The following NREP variants were observed in gnomAD, a reference collection of about 807,000 sequenced individuals.
NREP encodes the protein neuronal regeneration-related protein.
Under a neutral mutation model 8.6 loss-of-function variants are expected in NREP, and 5 were observed. The ratio of observed to expected loss-of-function variants is 0.58; its 90% CI spans 0.30 to 1.22. The LOEUF is 1.22. Among genes scored for constraint, NREP ranks in the 50% most tolerant of loss-of-function variants. The pLI is 0.07. For missense variants in NREP, 86 were observed against 82.5 expected, an observed-to-expected ratio of 1.04 and a Z score of -0.17; for synonymous variants, 27 against 28.0, an observed-to-expected ratio of 0.96 and a Z score of 0.11.
chr5:111,964,930 C>T (rs1388826397), intron 2 of NREP, among the ~76,000 whole-genome samples: 1 of 60,266 alleles, frequency 1.7e-5, no homozygotes, highest in Non-Finnish European at 3.5e-5. Context: ...ATTACTTAAA[C>T]AATAAGAACA....
At chr5:111,910,094 G>A (rs1191125206) in intron 2 of NREP, among the ~76,000 whole-genome samples, 4 of 152,016 alleles carry the variant, frequency 2.6e-5, no homozygotes, top group African/African-American at 9.7e-5. Context: ...TGAATTTGTT[G>A]TAGACTAAAA....
At chr5:111,961,890 G>A (rs1756490544) in intron 2 of NREP, among the ~76,000 whole-genome samples, 1 of 152,220 alleles carries the variant, frequency 6.6e-6, no homozygotes, top group South Asian at 2.1e-4. Context: ...TTGAAATCAT[G>A]TAGAATTATA....
intron 2 of NREP, among the ~76,000 whole-genome samples, chr5:111,784,363 T>C (rs1049395998): frequency 6.6e-6 from 1 of 152,068 alleles, no homozygotes; most frequent in Non-Finnish European, 1.5e-5. Flanking sequence ...CCTGTAGAAA[T>C]ACAGTAAAGA....
At chr5:111,786,033 G>A (rs1042589478) in intron 2 of NREP, among the ~76,000 whole-genome samples, 6 of 152,170 alleles carry the variant, frequency 3.9e-5, no homozygotes, top group African/African-American at 9.6e-5. Context: ...CACATTGTCC[G>A]ATTTCCTCAA....
At chr5:111,790,489 G>C (rs979964690) in intron 2 of NREP, among the ~76,000 whole-genome samples, 1 of 150,438 alleles carries the variant, frequency 6.6e-6, no homozygotes, top group African/African-American at 2.4e-5. Flanking sequence ...ACTGGGCACA[G>C]TGGCTCACAC....
At chr5:111,898,570 G>T (rs532733832) in intron 2 of NREP, among the ~76,000 whole-genome samples, 1 of 152,270 alleles carries the variant, frequency 6.6e-6, no homozygotes, top group Non-Finnish European at 1.5e-5. Context: ...GAGAAGTTTA[G>T]ACCAGAGACA....
chr5:111,916,741 A>G (rs1388993853), intron 2 of NREP, among the ~76,000 whole-genome samples: 1 of 152,170 alleles, frequency 6.6e-6, no homozygotes, highest in Non-Finnish European at 1.5e-5. Flanking sequence ...TTGTTTAAGG[A>G]TTAAATGAGT....
rs190583975 is a variant in NREP at position 111,969,216 on chromosome 5, T to C, written c.135+6058A>G. ...ACGGTTAAAAATATTGAACTTGTGCTCATCACATTTACAGATTTCAAGATG... is the reference window on the plus strand; with the variant it reads ...ACGGTTAAAAATATTGAACTTGTGCCCATCACATTTACAGATTTCAAGATG... On this transcript the variant is annotated intron_variant, in intron 2 of 3. Coordinates refer to the NREP transcript ENST00000395634. 3.3e-4 allele frequency among the ~76,000 whole-genome samples: 50 copies of C among 152,326 alleles called. 1 individual carries two copies. The highest frequency in any genetic ancestry group is 1.2e-3 in the African/African-American group (49 of 41,564).
chr5:111,881,939 G>C (rs1258181385), intron 2 of NREP, among the ~76,000 whole-genome samples: 1 of 152,274 alleles, frequency 6.6e-6, no homozygotes, highest in East Asian at 1.9e-4. Context: ...TCCTCCAAAG[G>C]ATCACAGTTC....
chr5:111,866,710 G>A (rs1753672732), intron 2 of NREP, among the ~76,000 whole-genome samples: 1 of 152,076 alleles, frequency 6.6e-6, no homozygotes, highest in African/African-American at 2.4e-5. Flanking sequence ...GTTTATTGCG[G>A]CACTATTCAC....
upstream of NREP, among the ~76,000 whole-genome samples, chr5:111,760,126 T>A (rs1750928657): frequency 6.6e-6 from 1 of 152,174 alleles, no homozygotes; most frequent in South Asian, 2.1e-4. Flanking sequence ...ACAAGATAAT[T>A]TTTTGACGGG....
At chr5:111,814,398 G>A (rs757796320) in intron 2 of NREP, among the ~76,000 whole-genome samples, 6 of 152,044 alleles carry the variant, frequency 3.9e-5, no homozygotes, top group East Asian at 1.9e-4. Context: ...TAAAGTGAAC[G>A]CAATTACATG....
Position 111,905,895 on chromosome 5 carries a change from G to C in NREP, c.135+69379C>G, listed in dbSNP as rs543745714. On this transcript the variant is annotated intron_variant, in intron 2 of 3. Coordinates refer to the NREP transcript ENST00000395634. ...CAAATAAAACATAAATCTCTGAAAA[G>C]TAATCTGGAAAAGTTTAAGACATGT... Among the ~76,000 whole-genome samples the C allele has an allele frequency of 2.0e-5, 3 of 152,098 alleles. No individual in the cohort carries two copies. The South Asian group carries it at 6.2e-4, about 31-fold the overall frequency.
At chr5:111,976,670 T>C (rs777123818) in intron 1 of NREP, 25 of 1,501,958 alleles carry the variant, frequency 1.7e-5, no homozygotes, top group Non-Finnish European at 2.1e-5. Flanking sequence ...TTTAAAAATG[T>C]CCCCTCATAT....
At chr5:111,744,830 A>AAGGT (rs1749901348) in intron 2 of NREP, among the ~76,000 whole-genome samples, 1 of 152,162 alleles carries the variant, frequency 6.6e-6, no homozygotes, top group African/African-American at 2.4e-5. Context: ...TAATATGAAA[A>AAGGT]AGGTAGTAGT....
intron 2 of NREP, among the ~76,000 whole-genome samples, chr5:111,869,851 T>C (rs1290006372): frequency 6.6e-6 from 1 of 152,142 alleles, no homozygotes; most frequent in Non-Finnish European, 1.5e-5. Flanking sequence ...GTTGAGCAAA[T>C]GTAAGAAATG....
Position 111,846,924 on chromosome 5 carries a change from G to A in NREP, c.136-111417C>T, listed in dbSNP as rs544928599. ...TCATGTCCATTTTTCATTCATTCAC[G>A]TATTGATCAATCTAACGTTTCATTA... On this transcript the variant is annotated intron_variant, in intron 2 of 3. Transcript: ENST00000395634. Among the ~76,000 whole-genome samples the A allele has an allele frequency of 7.2e-4, 109 of 152,036 alleles. 1 individual carries two copies. The highest frequency in any genetic ancestry group is 3.1e-3 in the South Asian group (15 of 4,804).
chr5:111,761,084 C>A (rs1401332095), upstream of NREP, among the ~76,000 whole-genome samples: 2 of 152,158 alleles, frequency 1.3e-5, no homozygotes, highest in African/African-American at 2.4e-5. Context: ...GTCATTTAAC[C>A]TTTTAGTCTC....
chr5:111,877,176 C>T lies in NREP; in HGVS notation c.135+98098G>A, dbSNP rs74929118. On this transcript the variant is annotated intron_variant, in intron 2 of 3. Coordinates refer to the NREP transcript ENST00000395634. ...CCTTAAAGCTAACCTGTCACTGGAACATATCAACACTATTTCCCACATATC... is the reference window on the plus strand; with the variant it reads ...CCTTAAAGCTAACCTGTCACTGGAATATATCAACACTATTTCCCACATATC... Among the ~76,000 whole-genome samples the T allele has an allele frequency of 4.0e-3, 605 of 152,294 alleles. 3 individuals carry two copies. The highest frequency in any genetic ancestry group is 0.014 in the African/African-American group (576 of 41,570).
Sources: gnomAD v4.1 joint callset for allele counts (sites outside exome capture counted in the v4.1 genomes callset) on GRCh38, gnomAD v4.1.1 for gene constraint, MANE v1.5 for transcripts, NCBI Gene and HGNC (gene_info 2026-07-23, HGNC 2026-07-21) for gene names.